PFKL: variants seen among roughly 807,000 people sequenced by gnomAD.
The protein encoded by PFKL is ATP-dependent 6-phosphofructokinase, liver type.
Under a neutral mutation model 92.1 loss-of-function variants are expected in PFKL, and 74 were observed. That is an observed-to-expected ratio of 0.80 (90% CI 0.67 to 0.97). PFKL has a LOEUF of 0.97. PFKL is among the 50% of genes least tolerant of loss of function. The probability of loss-of-function intolerance (pLI) is 0.00; values close to 1 mark genes in which losing one functional copy is unlikely to be tolerated. For missense variants in PFKL, 1,028 were observed against 1,116.6 expected, an observed-to-expected ratio of 0.92 and a Z score of 1.13; for synonymous variants, 494 against 456.4, an observed-to-expected ratio of 1.08 and a Z score of -1.05.
chr21:44,326,687 A>T (rs61674714), intron 21 of PFKL, 28 bp from the exon 22 acceptor site: 1 of 1,608,116 alleles, frequency 6.2e-7, no homozygotes, highest in Non-Finnish European at 8.5e-7. Context: ...CTGACTCCCC[A>T]TCATCCTCCC....
In PFKL at chr21:44,316,284, C is replaced by T. The variant is rs1402889601; in HGVS notation, c.788C>T (p.Ala263Val). The change falls in exon 8 of 22, where the codon GCT becomes GTT. Residue 263 changes from alanine (A) to valine (V), a missense_variant. Transcript: ENST00000349048. ...TCCCGACTGAACATCATCATCATCG[C>T]TGAGGGTGCCATTGACCGCAACGGG... Reference protein sequence around the residue: ...RGSRLNIIIIAEGAIDRNGKP... With the variant: ...RGSRLNIIIIVEGAIDRNGKP... The T allele has an allele frequency of 1.2e-6, 2 of 1,613,272 alleles. No homozygotes were observed. Among genetic ancestry groups the T allele is most frequent in the South Asian group, 2.2e-5 (2 of 91,088 alleles).
intron 2 of PFKL, chr21:44,307,136 G>T (rs186860361): frequency 3.9e-6 from 1 of 259,254 alleles, no homozygotes; most frequent in South Asian, 1.5e-4. Context: ...GCCTCTGTGA[G>T]TGGGGGCCAG....
At chr21:44,309,811 G>T (rs2041063178) in intron 2 of PFKL, among the ~76,000 whole-genome samples, 1 of 152,220 alleles carries the variant, frequency 6.6e-6, no homozygotes, top group South Asian at 2.1e-4. Context: ...TGGTCCCTCA[G>T]ATCAGCCCCT....
rs574846827 is a variant in PFKL, at chr21:44,327,119, C to T, written c.*257C>T. 7.2e-4 allele frequency: 386 copies of T among 536,056 alleles called. 1 individual carries two copies. Among genetic ancestry groups the T allele is most frequent in the Middle Eastern group, 7.1e-3 (14 of 1,984 alleles). The allele number at this position is 536,056 out of a possible 1,614,324, so 33.2% of individuals were successfully genotyped here. On this transcript the variant is annotated 3_prime_UTR_variant, in exon 22 of 22. Coordinates refer to ENST00000349048, the MANE Select transcript of PFKL (RefSeq NM_002626.6). ...CCACCTTCCTGCCCAGGGGACGTGGCGCTGTCGGTGTTTGGAGGCTGCTGC... is the reference window on the plus strand; with the variant it reads ...CCACCTTCCTGCCCAGGGGACGTGGTGCTGTCGGTGTTTGGAGGCTGCTGC...
chr21:44,321,956 G>A (rs1388468974), intron 13 of PFKL, 81 bp downstream of exon 13: 7 of 1,498,760 alleles, frequency 4.7e-6, no homozygotes, highest in African/African-American at 4.2e-5. Flanking sequence ...AAGGCCGGCT[G>A]CTGGAGGTGG....
At position 44,326,892 on chromosome 21, in the gene PFKL, C is replaced by G; in HGVS notation, c.*30C>G. 1 of 1,579,266 alleles carries G rather than the reference C, an allele frequency of 6.3e-7. No homozygotes were observed. Among genetic ancestry groups the G allele is most frequent in the Non-Finnish European group, 8.6e-7 (1 of 1,159,744 alleles). Reference sequence around the variant, plus strand: ...AGCCATGCCCACGCCCCTCCCCAGCCCCCACCCATGCCAGCGCAGCGCCAG... The same window carrying G: ...AGCCATGCCCACGCCCCTCCCCAGCGCCCACCCATGCCAGCGCAGCGCCAG... On this transcript the variant is annotated 3_prime_UTR_variant, in exon 22 of 22. Coordinates refer to ENST00000349048, the MANE Select transcript of PFKL (RefSeq NM_002626.6).
At chr21:44,316,934 G>A (rs2047225618) in intron 9 of PFKL, among the ~76,000 whole-genome samples, 1 of 152,222 alleles carries the variant, frequency 6.6e-6, no homozygotes, top group South Asian at 2.1e-4. Flanking sequence ...GCCCAACGTG[G>A]CAGCAGTCAG....
chr21:44,303,433 C>CA (rs766852746), intron 1 of PFKL, among the ~76,000 whole-genome samples: 439 of 36,766 alleles, frequency 0.012, 9 homozygotes, highest in African/African-American at 0.029. Context: ...CAGACTTGAC[C>CA]AAAAAAAAAA....
Position 44,321,718 on chromosome 21 carries a change from T to C in PFKL, c.1192-11T>C, listed in dbSNP as rs1490576214. The stretch of plus-strand genomic sequence containing the variant: ...GCTGTGCCTCACGCTCATCTCCCCT[T>C]CTCTCTGAAGTCTAACTTCTCCCTG... On this transcript the variant is annotated splice_polypyrimidine_tract_variant and intron_variant, in intron 12 of 21. Coordinates refer to ENST00000349048, the MANE Select transcript of PFKL (RefSeq NM_002626.6). The C allele has an allele frequency of 6.5e-7, 1 of 1,545,994 alleles. No homozygotes were observed. Among genetic ancestry groups the C allele is most frequent in the African/African-American group, 1.4e-5 (1 of 72,824 alleles).
chr21:44,305,683 C>G, intron 1 of PFKL: 10 of 1,080,546 alleles, frequency 9.3e-6, no homozygotes, highest in Non-Finnish European at 1.2e-5. Context: ...CTTGGCTGCC[C>G]CTTTTGTATG....
At chr21:44,317,024 G>A (rs574897642) in intron 9 of PFKL, among the ~76,000 whole-genome samples, 28 of 152,344 alleles carry the variant, frequency 1.8e-4, no homozygotes, top group Middle Eastern at 3.4e-3. Flanking sequence ...CAGTCTGGGA[G>A]GCTGGTGCTG....
Position 44,304,576 on chromosome 21 carries a change from G to T in PFKL, c.86-2105G>T, listed in dbSNP as rs34577649. The T allele has an allele frequency of 8.0e-5, 88 of 1,099,998 alleles. No individual in the cohort carries two copies. The African/African-American group carries it at 1.4e-3, about 18-fold the overall frequency. 68.1% of individuals were successfully genotyped at this position (1,099,998 alleles called of 1,614,324 possible). On this transcript the variant is annotated intron_variant, in intron 1 of 21. Transcript: ENST00000349048. ...CACTGCCCCCAACTCCAGTGAGGGT[G>T]GGGGACAGGGCGCTGCACTCACAGC...
At chr21:44,313,871 G>T (rs762887116) in intron 6 of PFKL, 42 bp from the exon 7 acceptor site, 80 of 1,485,430 alleles carry the variant, frequency 5.4e-5, no homozygotes, top group Non-Finnish European at 6.7e-5. Context: ...CCCCTCAACG[G>T]CTGGGTGGGG....
rs148376402 is a variant in PFKL at position 44,312,781 on chromosome 21, C to T, written c.428-197C>T. 4.4e-3 allele frequency among the ~76,000 whole-genome samples: 676 copies of T among 152,310 alleles called. 6 individuals carry two copies. The highest frequency in any genetic ancestry group is 0.016 in the African/African-American group (653 of 41,568). On this transcript the variant is annotated intron_variant, in intron 4 of 21. Coordinates refer to ENST00000349048, the MANE Select transcript of PFKL (RefSeq NM_002626.6). ...TCTGCAAGGCACCCCAGAGGTCCCC[C>T]GTCTGCACTTGGCCCCAGCGGATCC...
At chr21:44,300,332 T>TCCCGCCCCGGCCTCCC (rs2040734713) in intron 1 of PFKL, 142 bp downstream of exon 1, 1 of 211,900 alleles carries the variant, frequency 4.7e-6, no homozygotes, top group Non-Finnish European at 8.0e-6. Context: ...CCCGGCCTCC[T>TCCCGCCCCGGCCTCCC]GCCCCGGGTC....
In PFKL at chr21:44,318,515, A is replaced by T. The variant is rs151173166; in HGVS notation, c.982A>T (p.Thr328Ser). Reference sequence around the variant, plus strand: ...GGCGGTGATGGCGCTGCTGGAAGCCACGCCTGACACGCCGGCCTGCGTGGT... The same window carrying T: ...GGCGGTGATGGCGCTGCTGGAAGCCTCGCCTGACACGCCGGCCTGCGTGGT... ...MEAVMALLEA[T>S]PDTPACVVTL... The change falls in exon 10 of 22, where the codon ACG (threonine) becomes TCG (serine). Residue 328 changes from threonine to serine, a missense_variant. Thr to Ser is a moderately conservative substitution (Grantham distance 58). Coordinates refer to ENST00000349048, the MANE Select transcript of PFKL (RefSeq NM_002626.6). 1.3e-6 allele frequency: 2 copies of T among 1,575,418 alleles called. No individual in the cohort carries two copies. Among genetic ancestry groups the T allele is most frequent in the African/African-American group, 2.7e-5 (2 of 73,468 alleles).
In PFKL at chr21:44,300,191, G is replaced by A; in HGVS notation, c.85+1G>A. 1 of 1,112,346 alleles carries A rather than the reference G, an allele frequency of 9.0e-7. No individual in the cohort carries two copies. The highest frequency in any genetic ancestry group is 1.1e-6 in the Non-Finnish European group (1 of 909,602). 68.9% of individuals were successfully genotyped at this position (1,112,346 alleles called of 1,614,324 possible). A position where few individuals can be genotyped will look rare whatever the true frequency, so the allele number is the denominator to read the frequency against. ...CTGACCAGCGGCGGCGACGCGCAAGGTGGGCGGGGGTCCCGGCCGCGTCGC... is the reference window on the plus strand; with the variant it reads ...CTGACCAGCGGCGGCGACGCGCAAGATGGGCGGGGGTCCCGGCCGCGTCGC... On this transcript the variant is annotated splice_donor_variant, in intron 1 of 21. Transcript: ENST00000349048. LOFTEE classifies it high-confidence loss of function.
chr21:44,326,518 G>A (rs993922727), intron 21 of PFKL, among the ~76,000 whole-genome samples, 197 bp from the exon 22 acceptor site: 7 of 152,146 alleles, frequency 4.6e-5, no homozygotes, highest in African/African-American at 1.2e-4. Context: ...GCTTGAGGGC[G>A]GCTGAGGCTG....
At chr21:44,322,527 A>T (rs1037854984) in intron 14 of PFKL, among the ~76,000 whole-genome samples, 14 of 152,090 alleles carry the variant, frequency 9.2e-5, no homozygotes, top group African/African-American at 3.4e-4. Flanking sequence ...GGCCTGTCTG[A>T]TGGCTTTTGT....
Sources: allele counts gnomAD v4.1 joint callset (sites outside exome capture counted in the v4.1 genomes callset), GRCh38; gene constraint gnomAD v4.1.1; transcripts MANE v1.5; gene names NCBI Gene and HGNC (gene_info 2026-07-23, HGNC 2026-07-21).